SPAG9: variants seen among roughly 807,000 people sequenced by gnomAD.
SPAG9 encodes the protein sperm associated antigen 9, also known as C-Jun-amino-terminal kinase-interacting protein 4.
SPAG9 carries 35 observed loss-of-function variants against 166.5 expected under a neutral mutation model. The observed-to-expected ratio is 0.21, with a 90% CI of 0.16 to 0.28. The LOEUF is 0.28. SPAG9 is among the 10% of genes least tolerant of loss of function. The pLI is 1.00. For missense variants in SPAG9, 1,235 were observed against 1,603.3 expected, an observed-to-expected ratio of 0.77 and a Z score of 3.92; for synonymous variants, 534 against 565.5, an observed-to-expected ratio of 0.94 and a Z score of 0.79.
intron 1 of SPAG9, among the ~76,000 whole-genome samples, chr17:51,110,199 G>T (rs1373077895): frequency 6.6e-6 from 1 of 152,098 alleles, no homozygotes; most frequent in Admixed American, 6.6e-5. Context: ...ATGTGTATGT[G>T]TGTATATGTG....
intron 1 of SPAG9, among the ~76,000 whole-genome samples, chr17:51,103,455 G>A (rs1195731804): frequency 6.6e-6 from 1 of 152,174 alleles, no homozygotes; most frequent in East Asian, 1.9e-4. Flanking sequence ...AGAAGAGAAA[G>A]TGAGTGCCAA....
intron 3 of SPAG9, 98 bp downstream of exon 3, chr17:51,056,314 A>T (rs920717645): frequency 1.9e-4 from 139 of 736,260 alleles, no homozygotes; most frequent in Non-Finnish European, 2.5e-4. Context: ...ATTCTTTTTT[A>T]AAAAATTCTG....
intron 6 of SPAG9, among the ~76,000 whole-genome samples, chr17:51,028,067 A>C (rs1313503925): frequency 7.5e-6 from 1 of 132,932 alleles, no homozygotes; most frequent in African/African-American, 3.5e-5. Context: ...TTTAAAAAGC[A>C]AAAAAAAAAA....
chr17:50,986,222 A>C (rs973258181), intron 22 of SPAG9, among the ~76,000 whole-genome samples: 1 of 152,124 alleles, frequency 6.6e-6, no homozygotes. Context: ...TTACATTTTT[A>C]AAAGTGTGTG....
At chr17:51,039,404 GA>G (rs922402072) in intron 5 of SPAG9, among the ~76,000 whole-genome samples, 5 of 152,238 alleles carry the variant, frequency 3.3e-5, no homozygotes, top group African/African-American at 1.2e-4. Flanking sequence ...GGGCTTAGGT[GA>G]AAAATAAAAT....
At chr17:51,010,579 AAAAAT>A (rs1461276683) in intron 9 of SPAG9, among the ~76,000 whole-genome samples, 1 of 127,180 alleles carries the variant, frequency 7.9e-6, no homozygotes, top group South Asian at 2.3e-4. Flanking sequence ...AAAAAAAAAA[AAAAAT>A]ATATATATAT....
rs1308790225 is a variant in SPAG9, at chr17:51,120,798, G to GGGGGCC, written c.-148_-143dup. On this transcript the variant is annotated 5_prime_UTR_variant, in exon 1 of 30. Coordinates refer to ENST00000262013, the MANE Select transcript of SPAG9 (RefSeq NM_001130528.3). The surrounding 1 kb of genome is among the most constrained non-coding windows in gnomAD (Gnocchi z 4.7). ...GGGCTGGGGCTGGGCCCGGCGGGGT[G>GGGGGCC]GGGGCCGGGGCCGGAGGAGGGGAGG... is the stretch of plus-strand genomic sequence containing the variant. The GGGGGCC allele has an allele frequency of 6.9e-6, 4 of 577,828 alleles. No individual in the cohort carries two copies. Among genetic ancestry groups the GGGGGCC allele is most frequent in the Admixed American group, 4.4e-5 (1 of 22,806 alleles). The allele number at this position is 577,828 out of a possible 1,614,324, so 35.8% of individuals were successfully genotyped here.
At chr17:50,974,171 T>C (rs1406411322) in intron 28 of SPAG9, among the ~76,000 whole-genome samples, 1 of 152,208 alleles carries the variant, frequency 6.6e-6, no homozygotes, top group Non-Finnish European at 1.5e-5. Flanking sequence ...CTGGACATCA[T>C]CACTTCCATC....
intron 6 of SPAG9, among the ~76,000 whole-genome samples, chr17:51,025,134 C>G (rs1431133802): frequency 6.6e-6 from 1 of 151,094 alleles, no homozygotes; most frequent in Middle Eastern, 3.2e-3. Context: ...GCTTGGCCAA[C>G]ATGGGGAAAC....
Position 51,005,122 on chromosome 17 carries a change from A to G in SPAG9, c.1476+90T>C, listed in dbSNP as rs2045148231. On this transcript the variant is annotated intron_variant, in intron 12 of 29. Coordinates refer to ENST00000262013, the MANE Select transcript of SPAG9 (RefSeq NM_001130528.3). ...TCTCCTGACTTTTAAAAATCTTTAT[A>G]GTATTATATCCAAAGCTTACGTAGG... The G allele has an allele frequency of 3.8e-6, 4 of 1,042,206 alleles. No homozygotes were observed. The Admixed American group carries it at 9.1e-5, about 24-fold the overall frequency. The allele number at this position is 1,042,206 out of a possible 1,614,324, so 64.6% of individuals were successfully genotyped here.
intron 1 of SPAG9, among the ~76,000 whole-genome samples, chr17:51,089,712 G>C (rs1159636187): frequency 7.2e-6 from 1 of 138,388 alleles, no homozygotes; most frequent in Non-Finnish European, 1.5e-5. Context: ...GTCTCGCTCT[G>C]TGACCCAGGC....
chr17:51,045,942 A>G (rs2047003084), intron 4 of SPAG9, among the ~76,000 whole-genome samples: 1 of 152,244 alleles, frequency 6.6e-6, no homozygotes, highest in African/African-American at 2.4e-5. Flanking sequence ...GGAAAAAGGC[A>G]TTCCTTAACC....
chr17:51,034,070 T>C (rs192833479), intron 5 of SPAG9, among the ~76,000 whole-genome samples: 1 of 152,348 alleles, frequency 6.6e-6, no homozygotes, highest in Non-Finnish European at 1.5e-5. Context: ...CAGTCACCTA[T>C]AGGTGGTTCC....
At chr17:51,005,980 C>T in intron 11 of SPAG9, 105 bp downstream of exon 11, 2 of 1,356,216 alleles carry the variant, frequency 1.5e-6, no homozygotes, top group Non-Finnish European at 2.0e-6. Context: ...TCTTGGCCTT[C>T]CAGGCTTGAG....
chr17:51,089,617 ATTT>A (rs1304479721), intron 1 of SPAG9, among the ~76,000 whole-genome samples: 13 of 68,668 alleles, frequency 1.9e-4, no homozygotes, highest in Non-Finnish European at 2.5e-4. Context: ...TATACACTTT[ATTT>A]TATATATATA....
chr17:51,002,412 A>C (rs764300668), intron 12 of SPAG9, among the ~76,000 whole-genome samples: 16 of 152,186 alleles, frequency 1.1e-4, no homozygotes, highest in Non-Finnish European at 1.9e-4. Flanking sequence ...ACATATTATA[A>C]AGAAATCATA....
intron 5 of SPAG9, 75 bp downstream of exon 5, chr17:51,041,426 T>C: frequency 1.5e-6 from 2 of 1,376,492 alleles, no homozygotes; most frequent in Admixed American, 4.4e-5. Context: ...TATACTGTGG[T>C]CGTCTAGCAC....
rs2044845067 is a variant in SPAG9 at position 50,999,709 on chromosome 17, C to T, written c.1616G>A (p.Arg539Gln). The T allele has an allele frequency of 3.7e-6, 6 of 1,612,362 alleles. No individual in the cohort carries two copies. The highest frequency in any genetic ancestry group is 4.5e-5 in the East Asian group (2 of 44,804). The part of the protein sequence containing the change: ...VRWTEMIRAS[R>Q]ENPAMQEKKR... ...TTTTTCCTGCATGGCTGGATTTTCTCGTGATGCCCTACATTCAAAAAGAAA... is the reference window on the plus strand; with the variant it reads ...TTTTTCCTGCATGGCTGGATTTTCTTGTGATGCCCTACATTCAAAAAGAAA... The change falls in exon 14 of 30, where the codon CGA becomes CAA. Residue 539 changes from arginine to glutamine, a missense_variant. Arg to Gln is a conservative substitution (Grantham distance 43). Around this residue, in one of 6 missense-constraint regions of SPAG9, gnomAD observed 125 missense variants for 194.0 expected, o/e 0.64. Transcript: ENST00000262013.
intron 9 of SPAG9, 71 bp downstream of exon 9, chr17:51,014,161 C>A: frequency 1.4e-6 from 2 of 1,416,580 alleles, no homozygotes; most frequent in South Asian, 1.4e-5. Context: ...TTTTAAAGGA[C>A]TTTTCAATTA....
Sources: allele counts gnomAD v4.1 joint callset (sites outside exome capture counted in the v4.1 genomes callset), GRCh38; gene constraint gnomAD v4.1.1; regional missense constraint gnomAD v4.1.1; non-coding constraint Gnocchi (gnomAD v3.1); transcripts MANE v1.5; gene names NCBI Gene and HGNC (gene_info 2026-07-23, HGNC 2026-07-21).